Variants in FAM117B observed in about 807,000 individuals in gnomAD.
The protein encoded by FAM117B is protein FAM117B.
FAM117B carries 22 observed loss-of-function variants against 52.8 expected under a neutral mutation model. That is an observed-to-expected ratio of 0.42 (90% CI 0.30 to 0.59). FAM117B has a LOEUF of 0.59. Ranked by LOEUF, FAM117B falls within the 20% of genes least tolerant of loss-of-function variation. FAM117B has a pLI of 0.22. For missense variants in FAM117B, 678 were observed against 802.6 expected, an observed-to-expected ratio of 0.84 and a Z score of 1.88; for synonymous variants, 309 against 324.1, an observed-to-expected ratio of 0.95 and a Z score of 0.50.
intron 1 of FAM117B, among the ~76,000 whole-genome samples, chr2:202,695,343 T>G (rs953859971): frequency 3.9e-5 from 6 of 152,164 alleles, no homozygotes; most frequent in African/African-American, 1.4e-4. Flanking sequence ...AATAAACAAT[T>G]TATATGTTAT....
At chr2:202,733,899 AAG>A (rs1319093721) in intron 4 of FAM117B, among the ~76,000 whole-genome samples, 1 of 152,236 alleles carries the variant, frequency 6.6e-6, no homozygotes, top group African/African-American at 2.4e-5. Flanking sequence ...AAGAAATTAT[AAG>A]AGTATTATTT....
chr2:202,655,707 T>TGAGAGACAGAGAGAGAGAGA (rs1398513491), intron 1 of FAM117B, among the ~76,000 whole-genome samples: 6 of 98,838 alleles, frequency 6.1e-5, no homozygotes, highest in African/African-American at 1.4e-4. Context: ...GGGAAGAGAG[T>TGAGAGACAGAGAGAGAGAGA]GAGAGAGAGA....
intron 2 of FAM117B, among the ~76,000 whole-genome samples, chr2:202,720,448 T>A (rs1395565232): frequency 2.0e-5 from 3 of 151,942 alleles, no homozygotes; most frequent in Non-Finnish European, 4.4e-5. Flanking sequence ...TTTGAAAGTA[T>A]GTTGGAGATA....
chr2:202,690,939 G>T (rs571159862), intron 1 of FAM117B, among the ~76,000 whole-genome samples: 11 of 152,250 alleles, frequency 7.2e-5, no homozygotes, highest in African/African-American at 2.6e-4. Context: ...AAATGACAGG[G>T]TAGATGTAGA....
At chr2:202,747,433 G>T (rs772203857) in intron 4 of FAM117B, among the ~76,000 whole-genome samples, 1 of 151,594 alleles carries the variant, frequency 6.6e-6, no homozygotes, top group Non-Finnish European at 1.5e-5. Flanking sequence ...AGAGCAACCA[G>T]ATGAAAGAAA....
At position 202,738,467 on chromosome 2, in the gene FAM117B, A is replaced by G. The variant is rs572914626; in HGVS notation, c.960+12104A>G. Among the ~76,000 whole-genome samples, 7 of 152,326 alleles carry G rather than the reference A, an allele frequency of 4.6e-5. No individual in the cohort carries two copies. In the East Asian group the frequency reaches 7.7e-4, roughly 17 times the overall value. On this transcript the variant is annotated intron_variant, in intron 4 of 7. Coordinates refer to ENST00000392238, the MANE Select transcript of FAM117B (RefSeq NM_173511.4). ...AGAATTTATAAAAAAAGAAGACATC[A>G]GTTCAGACTATCTTAAATAAATATA...
chr2:202,739,489 G>T (rs1691492079), intron 4 of FAM117B, among the ~76,000 whole-genome samples: 1 of 135,720 alleles, frequency 7.4e-6, no homozygotes, highest in African/African-American at 2.7e-5. Context: ...CCTTCCTAGG[G>T]TTTCACTCTG....
chr2:202,678,187 T>A (rs1690406319), intron 1 of FAM117B, among the ~76,000 whole-genome samples: 1 of 152,026 alleles, frequency 6.6e-6, no homozygotes, highest in South Asian at 2.1e-4. Context: ...CAGATACACA[T>A]GGAGTGGTTT....
At chr2:202,683,101 G>A (rs1434054096) in intron 1 of FAM117B, among the ~76,000 whole-genome samples, 3 of 152,196 alleles carry the variant, frequency 2.0e-5, no homozygotes, top group Non-Finnish European at 4.4e-5. Context: ...GCCGAGGCGG[G>A]CAGATCACCT....
At chr2:202,753,317 T>A (rs1445427836) in intron 4 of FAM117B, among the ~76,000 whole-genome samples, 2 of 152,236 alleles carry the variant, frequency 1.3e-5, no homozygotes, top group African/African-American at 4.8e-5. Flanking sequence ...GCTAGCCATA[T>A]GCAGAAAACT....
chr2:202,756,780 C>T (rs550304570), intron 5 of FAM117B, among the ~76,000 whole-genome samples: 59 of 152,186 alleles, frequency 3.9e-4, no homozygotes, highest in Admixed American at 1.9e-3. Flanking sequence ...TAACCTTTCC[C>T]CCATTTAGGA....
chr2:202,744,359 C>G (rs1388611552), intron 4 of FAM117B, among the ~76,000 whole-genome samples: 1 of 152,306 alleles, frequency 6.6e-6, no homozygotes, highest in Non-Finnish European at 1.5e-5. Flanking sequence ...GTGCCAGACT[C>G]TTTTTAACCT....
At chr2:202,686,645 A>G (rs1241097736) in intron 1 of FAM117B, among the ~76,000 whole-genome samples, 1 of 152,118 alleles carries the variant, frequency 6.6e-6, no homozygotes, top group African/African-American at 2.4e-5. Flanking sequence ...CGCCTCTACT[A>G]AAAATACAAA....
chr2:202,655,761 A>AGAGTGAGAGAGAGT (rs1690046684), intron 1 of FAM117B, among the ~76,000 whole-genome samples: 7 of 100,374 alleles, frequency 7.0e-5, no homozygotes, highest in African/African-American at 2.4e-4. Context: ...AGAGAGAGAG[A>AGAGTGAGAGAGAGT]GTGTGTGTGT....
chr2:202,673,610 G>A (rs562818001), intron 1 of FAM117B, among the ~76,000 whole-genome samples: 7 of 151,472 alleles, frequency 4.6e-5, no homozygotes, highest in Admixed American at 3.3e-4. Flanking sequence ...ACCACACCCG[G>A]CTAATTCTTG....
chr2:202,738,060 C>T (rs1428041491), intron 4 of FAM117B, among the ~76,000 whole-genome samples: 1 of 152,090 alleles, frequency 6.6e-6, no homozygotes, highest in Non-Finnish European at 1.5e-5. Flanking sequence ...ATCTGTGTAT[C>T]CTGTTTGGTG....
chr2:202,709,014 A>G (rs1242676756), intron 2 of FAM117B, among the ~76,000 whole-genome samples: 1 of 152,210 alleles, frequency 6.6e-6, no homozygotes, highest in South Asian at 2.1e-4. Flanking sequence ...ATCCTTACCA[A>G]CACTTGGCTT....
chr2:202,765,343 A>T, intron 7 of FAM117B, 103 bp from the exon 8 acceptor site: 1 of 1,126,560 alleles, frequency 8.9e-7, no homozygotes, highest in South Asian at 1.6e-5. Flanking sequence ...GATGTAAGTT[A>T]ACTGTTTTTA....
At chr2:202,761,323 G>A (rs1691884564) in intron 7 of FAM117B, among the ~76,000 whole-genome samples, 2 of 152,160 alleles carry the variant, frequency 1.3e-5, no homozygotes, top group South Asian at 4.1e-4. Flanking sequence ...TATTTGTTGG[G>A]TGGTGTCCTG....
Sources: gnomAD v4.1 joint callset for allele counts (sites outside exome capture counted in the v4.1 genomes callset) on GRCh38, gnomAD v4.1.1 for gene constraint, MANE v1.5 for transcripts, NCBI Gene and HGNC (gene_info 2026-07-23, HGNC 2026-07-21) for gene names.